Variants in ADARB2 observed in about 807,000 individuals in gnomAD.
ADARB2 encodes adenosine deaminase RNA specific B2 (inactive).
In ADARB2, 25 loss-of-function variants were observed where a neutral mutation model predicts 62.2. The observed-to-expected ratio is 0.40, with a 90% CI of 0.29 to 0.56. The LOEUF is 0.56. ADARB2 is among the 20% of genes least tolerant of loss of function. ADARB2 has a pLI of 0.43. For missense variants in ADARB2, 1,071 were observed against 1,077.4 expected (o/e 0.99, Z 0.08); for synonymous variants, 572 against 500.8 (o/e 1.14, Z -1.90).
intron 1 of ADARB2, among the ~76,000 whole-genome samples, chr10:1,458,619 C>T (rs149849782): frequency 2.8e-4 from 42 of 152,302 alleles, no homozygotes; most frequent in Admixed American, 1.8e-3. Context: ...ATGGCTTCCA[C>T]GGTGCCCTCT....
At chr10:1,448,739 C>G (rs1419179696) in intron 1 of ADARB2, among the ~76,000 whole-genome samples, 1 of 152,150 alleles carries the variant, frequency 6.6e-6, no homozygotes, top group African/African-American at 2.4e-5. Flanking sequence ...CCTTATATGG[C>G]CTTGGAAAGG....
intron 4 of ADARB2, among the ~76,000 whole-genome samples, chr10:1,247,367 T>A (rs138047087): frequency 6.6e-6 from 1 of 152,226 alleles, no homozygotes; most frequent in Admixed American, 6.5e-5. Context: ...CAACACTATG[T>A]TGAATAGGAG....
chr10:1,177,434 GATTTTTTTTTACAAAT>G lies in ADARB2; in HGVS notation c.*5743_*5758del, dbSNP rs1408472202. On this transcript the variant is annotated 3_prime_UTR_variant, in exon 10 of 10. Transcript: ENST00000381312. Reference sequence around the variant, plus strand: ...TGTAAATTCATATTTTAAGGTTTTGGATTTTTTTTTACAAATATTACAAATGTACATCCATTGATAC... The same window carrying G: ...TGTAAATTCATATTTTAAGGTTTTGGATTACAAATGTACATCCATTGATAC... 6.6e-6 allele frequency: 1 copy of G among 151,368 alleles called. No homozygotes were observed. Among genetic ancestry groups the G allele is most frequent in the Non-Finnish European group, 1.5e-5 (1 of 68,018 alleles). 9.4% of individuals were successfully genotyped at this position (151,368 alleles called of 1,614,324 possible). A position where few individuals can be genotyped will look rare whatever the true frequency, so the allele number is the denominator to read the frequency against.
chr10:1,297,002 CCTTTT>C (rs1029261703), intron 3 of ADARB2, among the ~76,000 whole-genome samples: 1 of 152,176 alleles, frequency 6.6e-6, no homozygotes, highest in Non-Finnish European at 1.5e-5. Context: ...TTCGTGTTTT[CCTTTT>C]CTTTTCCTCC....
intron 4 of ADARB2, among the ~76,000 whole-genome samples, chr10:1,262,190 C>A (rs1831145571): frequency 2.1e-5 from 3 of 144,160 alleles, no homozygotes; most frequent in South Asian, 2.2e-4. Flanking sequence ...ATACCTAATG[C>A]TAGATGACGA....
chr10:1,260,198 C>T (rs1831122746), intron 4 of ADARB2, among the ~76,000 whole-genome samples: 1 of 152,134 alleles, frequency 6.6e-6, no homozygotes, highest in African/African-American at 2.4e-5. Context: ...CAATATCATA[C>T]TGAATGGACA....
chr10:1,285,811 A>T (rs183134511), intron 3 of ADARB2, among the ~76,000 whole-genome samples: 1 of 152,370 alleles, frequency 6.6e-6, no homozygotes, highest in Non-Finnish European at 1.5e-5. Flanking sequence ...ATGAATAAAT[A>T]AAATGTGCTC....
At chr10:1,631,322 G>A (rs548225663) in intron 1 of ADARB2, among the ~76,000 whole-genome samples, 17 of 150,650 alleles carry the variant, frequency 1.1e-4, no homozygotes, top group African/African-American at 3.9e-4. Context: ...GGCTGGACGC[G>A]GCAGGGAACA....
intron 7 of ADARB2, among the ~76,000 whole-genome samples, chr10:1,204,343 G>A (rs963370483): frequency 6.6e-6 from 1 of 152,226 alleles, no homozygotes; most frequent in African/African-American, 2.4e-5. Context: ...CCTGATATAT[G>A]GATGGGGCCA....
At chr10:1,468,416 C>G (rs549424588) in intron 1 of ADARB2, among the ~76,000 whole-genome samples, 4 of 152,188 alleles carry the variant, frequency 2.6e-5, no homozygotes, top group Non-Finnish European at 4.4e-5. Context: ...GTGGCGTCAA[C>G]GGGGAGATGC....
intron 8 of ADARB2, 184 bp downstream of exon 8, chr10:1,199,782 T>C: frequency 1.6e-6 from 1 of 618,404 alleles, no homozygotes; most frequent in Non-Finnish European, 2.7e-6. Context: ...CCTATTGCTA[T>C]ATGCAGAGAG....
intron 6 of ADARB2, among the ~76,000 whole-genome samples, chr10:1,224,625 G>A (rs1309778732): frequency 2.6e-5 from 4 of 152,010 alleles, no homozygotes; most frequent in Admixed American, 1.3e-4. Flanking sequence ...GGTATGTTGT[G>A]TCTTTGTTCT....
intron 3 of ADARB2, among the ~76,000 whole-genome samples, chr10:1,283,319 G>C (rs184774748): frequency 6.6e-6 from 1 of 152,360 alleles, no homozygotes; most frequent in Admixed American, 6.5e-5. Context: ...CTACTTGCCA[G>C]ACACTTTCTA....
At chr10:1,203,318 G>C (rs1402280599) in intron 7 of ADARB2, among the ~76,000 whole-genome samples, 2 of 152,170 alleles carry the variant, frequency 1.3e-5, no homozygotes, top group Non-Finnish European at 2.9e-5. Flanking sequence ...CAGCCTCCAG[G>C]CCACAATGGA....
chr10:1,566,263 C>A (rs1832861523), intron 1 of ADARB2, among the ~76,000 whole-genome samples: 1 of 152,232 alleles, frequency 6.6e-6, no homozygotes, highest in East Asian at 1.9e-4. Flanking sequence ...CAGCTTTTGT[C>A]CCCGTACCAT....
At chr10:1,636,688 ATCT>A (rs1168627403) in intron 1 of ADARB2, among the ~76,000 whole-genome samples, 2 of 151,014 alleles carry the variant, frequency 1.3e-5, no homozygotes, top group African/African-American at 2.4e-5. Flanking sequence ...GTAGATAGAT[ATCT>A]ATCTATCTAC....
At chr10:1,325,181 C>T (rs1831833139) in intron 3 of ADARB2, among the ~76,000 whole-genome samples, 1 of 152,194 alleles carries the variant, frequency 6.6e-6, no homozygotes, top group Non-Finnish European at 1.5e-5. Context: ...CCTGACATGT[C>T]ACAGATAGTG....
intron 1 of ADARB2, among the ~76,000 whole-genome samples, chr10:1,459,317 A>G (rs1365180000): frequency 2.0e-5 from 3 of 152,272 alleles, no homozygotes; most frequent in Non-Finnish European, 4.4e-5. Context: ...CATGTGGTAC[A>G]TATACACCAT....
intron 9 of ADARB2, among the ~76,000 whole-genome samples, chr10:1,184,601 G>T (rs547139376): frequency 6.6e-6 from 1 of 152,232 alleles, no homozygotes; most frequent in South Asian, 2.1e-4. Context: ...TGCCGGCTCC[G>T]TCAGGGGTTC....
Sources: allele counts gnomAD v4.1 joint callset (sites outside exome capture counted in the v4.1 genomes callset), GRCh38; gene constraint gnomAD v4.1.1; transcripts MANE v1.5; gene names NCBI Gene and HGNC (gene_info 2026-07-23, HGNC 2026-07-21).